Variants in HS3ST4 observed in about 807,000 individuals in gnomAD.
HS3ST4 encodes the protein heparan sulfate glucosamine 3-O-sulfotransferase 4.
A neutral mutation model predicts 29.2 loss-of-function variants in HS3ST4; 17 were observed. That is an observed-to-expected ratio of 0.58 (90% CI 0.40 to 0.87). The LOEUF (loss-of-function observed/expected upper bound fraction) is 0.87. Among genes scored for constraint, HS3ST4 ranks in the 40% least tolerant of loss-of-function variants. HS3ST4 has a pLI of 0.00. For missense variants in HS3ST4, 627 were observed against 634.5 expected, an observed-to-expected ratio of 0.99 and a Z score of 0.13; for synonymous variants, 314 against 285.7, an observed-to-expected ratio of 1.10 and a Z score of -1.00.
At chr16:25,898,121 T>C (rs1196148465) in intron 1 of HS3ST4, among the ~76,000 whole-genome samples, 2 of 152,178 alleles carry the variant, frequency 1.3e-5, no homozygotes, top group Non-Finnish European at 2.9e-5. Flanking sequence ...AGCTGCAGAA[T>C]CTTTCTTGCT....
chr16:25,701,549 C>T (rs1966334902), intron 1 of HS3ST4, among the ~76,000 whole-genome samples: 1 of 152,122 alleles, frequency 6.6e-6, no homozygotes, highest in Non-Finnish European at 1.5e-5. Flanking sequence ...AAGATCCATC[C>T]CCGGCCAGGC....
At chr16:25,727,027 C>T (rs571409048) in intron 1 of HS3ST4, among the ~76,000 whole-genome samples, 1 of 152,276 alleles carries the variant, frequency 6.6e-6, no homozygotes, top group South Asian at 2.1e-4. Flanking sequence ...TTCAAATGCT[C>T]AAGCTATCCA....
chr16:25,894,726 G>A (rs920361773), intron 1 of HS3ST4, among the ~76,000 whole-genome samples: 4 of 151,922 alleles, frequency 2.6e-5, no homozygotes, highest in African/African-American at 4.8e-5. Flanking sequence ...GGCTGGTCTC[G>A]AACTCCGGAC....
At chr16:25,701,399 A>G (rs1028449371) in intron 1 of HS3ST4, among the ~76,000 whole-genome samples, 2 of 152,120 alleles carry the variant, frequency 1.3e-5, no homozygotes, top group Non-Finnish European at 2.9e-5. Context: ...AGGGTTCTCT[A>G]TTCTTTACGG....
chr16:26,029,566 C>A (rs1969513802), intron 1 of HS3ST4, among the ~76,000 whole-genome samples: 1 of 152,136 alleles, frequency 6.6e-6, no homozygotes. Flanking sequence ...GCATGCGCCA[C>A]CATGCCCGGC....
intron 1 of HS3ST4, among the ~76,000 whole-genome samples, chr16:25,762,130 C>T (rs562939702): frequency 9.0e-4 from 137 of 152,176 alleles, no homozygotes; most frequent in African/African-American, 2.9e-3. Flanking sequence ...AGGATGTAAC[C>T]GAGAAAGGGG....
intron 1 of HS3ST4, among the ~76,000 whole-genome samples, chr16:25,997,526 A>G (rs1261190843): frequency 3.9e-5 from 6 of 152,352 alleles, no homozygotes; most frequent in Non-Finnish European, 1.5e-5. Flanking sequence ...AATGGCATCA[A>G]CAACCTATAT....
chr16:26,135,020 T>C (rs568665740), intron 1 of HS3ST4, among the ~76,000 whole-genome samples: 1 of 151,338 alleles, frequency 6.6e-6, no homozygotes, highest in Non-Finnish European at 1.5e-5. Flanking sequence ...ATCTTTTTGG[T>C]TTTTTTTTCA....
At chr16:26,022,106 G>T (rs770969861) in intron 1 of HS3ST4, among the ~76,000 whole-genome samples, 10 of 152,074 alleles carry the variant, frequency 6.6e-5, no homozygotes, top group African/African-American at 2.4e-4. Context: ...GGGACTACAG[G>T]CACATGTCAC....
chr16:25,800,036 TCCTTCCTTCCTTCCTTCTTGCCTTCCTG>T (rs1298579641), intron 1 of HS3ST4, among the ~76,000 whole-genome samples: 5 of 41,488 alleles, frequency 1.2e-4, no homozygotes, highest in South Asian at 2.3e-3. Context: ...TCCCTCTCCT[TCCTTCCTTCCTTCCTTCTTGCCTTCCTG>T]CCTTCCTTCC....
At position 25,830,423 on chromosome 16, in the gene HS3ST4, C is replaced by G. The variant is rs1967282798; in HGVS notation, c.734+137272C>G. On this transcript the variant is annotated intron_variant, in intron 1 of 1. Coordinates refer to ENST00000331351, the MANE Select transcript of HS3ST4 (RefSeq NM_006040.3). ...TGAGCCTCTGTCTTGCCCACATCTT[C>G]TGCTTACAGGTTCTCTCCTCTGCAG... is the stretch of plus-strand genomic sequence containing the variant. Among the ~76,000 whole-genome samples, 4 of 152,164 alleles carry G rather than the reference C, an allele frequency of 2.6e-5. No homozygotes were observed. The South Asian group carries it at 8.3e-4, about 32-fold the overall frequency.
intron 1 of HS3ST4, among the ~76,000 whole-genome samples, chr16:25,968,581 A>G (rs1333330537): frequency 1.3e-5 from 2 of 152,152 alleles, no homozygotes; most frequent in Admixed American, 6.5e-5. Context: ...TAAGTAGCAC[A>G]ATGTAGTATT....
intron 1 of HS3ST4, among the ~76,000 whole-genome samples, chr16:25,854,850 A>T (rs1314825964): frequency 6.6e-6 from 1 of 152,030 alleles, no homozygotes; most frequent in Non-Finnish European, 1.5e-5. Context: ...CTGAGCCAAT[A>T]TGAGTGAAAG....
At chr16:25,932,724 G>T (rs1968477252) in intron 1 of HS3ST4, among the ~76,000 whole-genome samples, 1 of 152,196 alleles carries the variant, frequency 6.6e-6, no homozygotes, top group Non-Finnish European at 1.5e-5. Flanking sequence ...CTTAAGAGGT[G>T]CTTACTGCTA....
intron 1 of HS3ST4, among the ~76,000 whole-genome samples, chr16:25,697,593 T>C (rs1315259191): frequency 1.3e-5 from 2 of 152,244 alleles, no homozygotes; most frequent in Non-Finnish European, 2.9e-5. Flanking sequence ...GCAGCACCTG[T>C]GTGGTGTAGT....
chr16:25,723,466 A>G (rs1245223647), intron 1 of HS3ST4, among the ~76,000 whole-genome samples: 1 of 152,206 alleles, frequency 6.6e-6, no homozygotes, highest in Non-Finnish European at 1.5e-5. Flanking sequence ...TGCTAACTCT[A>G]GTACTGTTCA....
intron 1 of HS3ST4, among the ~76,000 whole-genome samples, chr16:25,744,278 T>A (rs1376631868): frequency 6.6e-6 from 1 of 152,216 alleles, no homozygotes; most frequent in African/African-American, 2.4e-5. Flanking sequence ...CAGCCTGATT[T>A]CAGCTAGATA....
chr16:25,924,569 G>A (rs553511282), intron 1 of HS3ST4, among the ~76,000 whole-genome samples: 1 of 152,222 alleles, frequency 6.6e-6, no homozygotes, highest in Non-Finnish European at 1.5e-5. Context: ...TGTTTTACAT[G>A]TTTTAACCCA....
chr16:26,026,285 G>T (rs1298220288), intron 1 of HS3ST4, among the ~76,000 whole-genome samples: 1 of 152,178 alleles, frequency 6.6e-6, no homozygotes, highest in African/African-American at 2.4e-5. Context: ...GATTTCAAAA[G>T]CCAATATACT....
Sources: gnomAD v4.1 joint callset for allele counts (sites outside exome capture counted in the v4.1 genomes callset) on GRCh38, gnomAD v4.1.1 for gene constraint, MANE v1.5 for transcripts, NCBI Gene and HGNC (gene_info 2026-07-23, HGNC 2026-07-21) for gene names.